Variants in GRM5 observed in about 807,000 individuals in gnomAD.
GRM5 encodes the protein metabotropic glutamate receptor 5.
A neutral mutation model predicts 83.1 loss-of-function variants in GRM5; 19 were observed. That is an observed-to-expected ratio of 0.23 (90% CI 0.16 to 0.34). The LOEUF (loss-of-function observed/expected upper bound fraction) is 0.34. Ranked by LOEUF, GRM5 falls within the 10% of genes least tolerant of loss-of-function variation. The probability of loss-of-function intolerance (pLI) is 1.00; values close to 1 mark genes in which losing one functional copy is unlikely to be tolerated. For missense variants in GRM5, 1,160 were observed against 1,588.3 expected, an observed-to-expected ratio of 0.73 and a Z score of 4.58; for synonymous variants, 675 against 633.6, an observed-to-expected ratio of 1.07 and a Z score of -0.98.
chr11:88,549,451 A>T (rs888796810), intron 8 of GRM5, among the ~76,000 whole-genome samples: 31 of 151,812 alleles, frequency 2.0e-4, no homozygotes, highest in East Asian at 3.9e-4. Flanking sequence ...AAGAAAAAAA[A>T]AAAAAACCCA....
intron 3 of GRM5, among the ~76,000 whole-genome samples, chr11:88,833,577 AAAAAT>A (rs1367693506): frequency 6.6e-6 from 1 of 152,048 alleles, no homozygotes. Flanking sequence ...TCAAAAAAGA[AAAAAT>A]AAAACTATCG....
At chr11:88,609,000 CTTACTT>C (rs1387683762) in intron 4 of GRM5, among the ~76,000 whole-genome samples, 1 of 152,084 alleles carries the variant, frequency 6.6e-6, no homozygotes, top group Non-Finnish European at 1.5e-5. Flanking sequence ...TTTTCTTCCT[CTTACTT>C]TTATTTAGGC....
chr11:88,620,059 A>G lies in GRM5; in HGVS notation c.1148-15095T>C, dbSNP rs137953918. On this transcript the variant is annotated intron_variant, in intron 4 of 9. Coordinates refer to ENST00000305447, the MANE Select transcript of GRM5 (RefSeq NM_001143831.3). ...TTCTGCTGTGACAGAAGGGCAGAACATCCCTCCCTCCAAGCCAGAATTAAT... is the reference window on the plus strand; with the variant it reads ...TTCTGCTGTGACAGAAGGGCAGAACGTCCCTCCCTCCAAGCCAGAATTAAT... Among the ~76,000 whole-genome samples, 277 of 152,338 alleles carry G rather than the reference A, an allele frequency of 1.8e-3. 1 individual carries two copies. The highest frequency in any genetic ancestry group is 6.4e-3 in the African/African-American group (265 of 41,586).
At chr11:88,821,197 T>C (rs1260675093) in intron 3 of GRM5, among the ~76,000 whole-genome samples, 1 of 152,034 alleles carries the variant, frequency 6.6e-6, no homozygotes, top group East Asian at 1.9e-4. Context: ...GTTCTAAGTT[T>C]CTGAGAGCAA....
At chr11:88,982,755 T>C (rs1008119159) in intron 2 of GRM5, among the ~76,000 whole-genome samples, 7 of 152,166 alleles carry the variant, frequency 4.6e-5, no homozygotes, top group African/African-American at 1.7e-4. Flanking sequence ...ATCAGTACAT[T>C]TGTACTGATT....
At chr11:88,683,045 A>G (rs528319722) in intron 3 of GRM5, among the ~76,000 whole-genome samples, 42 of 152,294 alleles carry the variant, frequency 2.8e-4, no homozygotes, top group Admixed American at 1.0e-3. Context: ...CTCATAACAG[A>G]AAACAAGATA....
intron 2 of GRM5, among the ~76,000 whole-genome samples, chr11:88,960,904 T>C (rs627387): frequency 0.44 from 66,468 of 152,050 alleles, 16,043 homozygotes; most frequent in South Asian, 0.64. Context: ...AAAAATATTC[T>C]AGATGAAGCG....
chr11:88,543,564 G>A (rs1332950927), intron 8 of GRM5, among the ~76,000 whole-genome samples: 1 of 143,934 alleles, frequency 6.9e-6, no homozygotes, highest in African/African-American at 2.5e-5. Flanking sequence ...TTATTTCAGG[G>A]AAGACATAGA....
intron 3 of GRM5, among the ~76,000 whole-genome samples, chr11:88,811,102 G>GTT (rs145179116): frequency 0.025 from 3,853 of 151,378 alleles, 170 homozygotes; most frequent in African/African-American, 0.089. Context: ...ACCTTTTTTT[G>GTT]TTTTTTTTCC....
At chr11:88,885,998 T>G (rs1033452501) in intron 2 of GRM5, among the ~76,000 whole-genome samples, 1 of 152,084 alleles carries the variant, frequency 6.6e-6, no homozygotes, top group African/African-American at 2.4e-5. Flanking sequence ...ATAATAAGAT[T>G]AAGGTGGGGT....
intron 5 of GRM5, 77 bp downstream of exon 5, chr11:88,604,641 G>C (rs1385033119): frequency 3.3e-6 from 4 of 1,212,606 alleles, no homozygotes; most frequent in Non-Finnish European, 4.8e-6. Flanking sequence ...CCACAAAGGA[G>C]AGAAAGAGAC....
chr11:88,745,612 A>G (rs1326007564), intron 3 of GRM5, among the ~76,000 whole-genome samples: 1 of 152,156 alleles, frequency 6.6e-6, no homozygotes, highest in African/African-American at 2.4e-5. Flanking sequence ...CATATTTTGT[A>G]ACTTCAAACT....
At chr11:88,876,003 C>T (rs575446707) in intron 2 of GRM5, among the ~76,000 whole-genome samples, 4 of 152,096 alleles carry the variant, frequency 2.6e-5, no homozygotes, top group South Asian at 4.1e-4. Flanking sequence ...GGTCACCAGC[C>T]GCATTATCTC....
At chr11:88,613,075 G>A (rs1434438632) in intron 4 of GRM5, among the ~76,000 whole-genome samples, 5 of 152,106 alleles carry the variant, frequency 3.3e-5, no homozygotes, top group Non-Finnish European at 5.9e-5. Context: ...TGGGTATGAT[G>A]TCAATTTCTT....
chr11:88,553,650 AAG>A (rs1358381522), intron 8 of GRM5, among the ~76,000 whole-genome samples: 4 of 152,152 alleles, frequency 2.6e-5, no homozygotes, highest in African/African-American at 4.8e-5. Context: ...TGAGGAATAT[AAG>A]TAGGGGGAAT....
intron 8 of GRM5, 73 bp from the exon 9 acceptor site, chr11:88,525,477 G>A (rs1019255219): frequency 5.4e-6 from 5 of 918,318 alleles, no homozygotes; most frequent in African/African-American, 3.3e-5. Flanking sequence ...GCTGAGGAAC[G>A]GCCGTGACTG....
At chr11:88,848,459 C>T (rs918222649) in intron 3 of GRM5, among the ~76,000 whole-genome samples, 6 of 152,154 alleles carry the variant, frequency 3.9e-5, no homozygotes, top group African/African-American at 1.4e-4. Context: ...CCTTAATAAG[C>T]CATCAAAAGT....
At chr11:88,606,969 AAAC>A (rs1477338662) in intron 4 of GRM5, among the ~76,000 whole-genome samples, 4 of 151,184 alleles carry the variant, frequency 2.6e-5, no homozygotes, top group African/African-American at 7.3e-5. Context: ...CAACAACAAC[AAAC>A]AACAACAACT....
chr11:89,046,602 C>G (rs1287153948), intron 2 of GRM5, among the ~76,000 whole-genome samples: 1 of 152,144 alleles, frequency 6.6e-6, no homozygotes, highest in African/African-American at 2.4e-5. Flanking sequence ...AATTTTAAAA[C>G]AAACATGTTG....
Sources: allele counts gnomAD v4.1 joint callset (sites outside exome capture counted in the v4.1 genomes callset), GRCh38; gene constraint gnomAD v4.1.1; transcripts MANE v1.5; gene names NCBI Gene and HGNC (gene_info 2026-07-23, HGNC 2026-07-21).